Variants in PKNOX2 observed in about 807,000 individuals in gnomAD.
The protein encoded by PKNOX2 is homeobox protein PKNOX2.
Under a neutral mutation model 53.1 loss-of-function variants are expected in PKNOX2, and 14 were observed. The ratio of observed to expected loss-of-function variants is 0.26; its 90% CI spans 0.17 to 0.41. PKNOX2 has a LOEUF of 0.41. Among genes scored for constraint, PKNOX2 ranks in the 10% least tolerant of loss-of-function variants. The pLI is 1.00. For missense variants in PKNOX2, 496 were observed against 602.8 expected (o/e 0.82, Z 1.85); for synonymous variants, 257 against 242.8 (o/e 1.06, Z -0.54).
rs1939186610 is a variant in PKNOX2, at chr11:125,206,912, C to T, written c.-200-28133C>T. Among the ~76,000 whole-genome samples the T allele has an allele frequency of 1.3e-5, 2 of 151,806 alleles. 1 individual carries two copies. Among genetic ancestry groups the T allele is most frequent in the Non-Finnish European group, 2.9e-5 (2 of 67,942 alleles). ...GCAAGACCAGGAAACCAGTTAGAGA[C>T]CTCCTGTAGTACAGCAGGCAAGTGA... On this transcript the variant is annotated intron_variant, in intron 1 of 12. Transcript: ENST00000298282.
chr11:125,178,926 G>A (rs1018061646), intron 1 of PKNOX2, among the ~76,000 whole-genome samples: 4 of 152,100 alleles, frequency 2.6e-5, no homozygotes, highest in Non-Finnish European at 5.9e-5. Context: ...AACTCAGGTG[G>A]CAGCCGGGAC....
chr11:125,339,952 GC>G (rs1950599199), intron 3 of PKNOX2, among the ~76,000 whole-genome samples: 1 of 152,158 alleles, frequency 6.6e-6, no homozygotes, highest in Non-Finnish European at 1.5e-5. Flanking sequence ...AAGATTTGCC[GC>G]TTTCAGCTCG....
chr11:125,338,047 C>T (rs1426745919), intron 3 of PKNOX2, among the ~76,000 whole-genome samples: 8 of 152,204 alleles, frequency 5.3e-5, no homozygotes, highest in Non-Finnish European at 1.2e-4. Flanking sequence ...GGCTGGGTTT[C>T]AGGTCAGCCG....
chr11:125,358,636 G>A (rs1392906005), intron 4 of PKNOX2, among the ~76,000 whole-genome samples: 2 of 152,256 alleles, frequency 1.3e-5, no homozygotes, highest in East Asian at 3.8e-4. Context: ...GAATAGAGGT[G>A]ACCGAGGCCT....
At chr11:125,323,362 T>C (rs774134978) in intron 2 of PKNOX2, among the ~76,000 whole-genome samples, 9 of 152,208 alleles carry the variant, frequency 5.9e-5, no homozygotes, top group Admixed American at 2.6e-4. Flanking sequence ...TGAAATTCAT[T>C]TCTCAGCAGT....
chr11:125,395,214 C>T (rs1214568916), intron 6 of PKNOX2, among the ~76,000 whole-genome samples: 1 of 152,154 alleles, frequency 6.6e-6, no homozygotes, highest in South Asian at 2.1e-4. Context: ...GGAAAATTCC[C>T]TTGCAATCTA....
intron 2 of PKNOX2, among the ~76,000 whole-genome samples, chr11:125,271,001 T>C (rs1232351898): frequency 1.3e-5 from 2 of 152,118 alleles, no homozygotes; most frequent in African/African-American, 2.4e-5. Flanking sequence ...CTTAGCTGCC[T>C]TGGGGGGTGA....
At position 125,166,332 on chromosome 11, in the gene PKNOX2, C is replaced by A. The variant is rs1469873687; in HGVS notation, c.-201+1556C>A. On this transcript the variant is annotated intron_variant, in intron 1 of 12. Transcript: ENST00000298282. This position sits in a 1 kb window ranked among gnomAD's most constrained non-coding sequence, Gnocchi z 4.0. ...AGGCGATGAAAGTAGTTGATCTGAG[C>A]CATGGCAGGCGAGCCCCGAATTTTT... 6.6e-6 allele frequency among the ~76,000 whole-genome samples: 1 copy of A among 152,186 alleles called. No individual in the cohort carries two copies. Among genetic ancestry groups the A allele is most frequent in the East Asian group, 1.9e-4 (1 of 5,186 alleles).
rs370120337 is a variant in PKNOX2, at chr11:125,222,802, T to C, written c.-200-12243T>C. ...GTATGTGTGTATGTGTGTGTGTGTG[T>C]GCGTGTGTATGTGTGTGTGTGTTGC... On this transcript the variant is annotated intron_variant, in intron 1 of 12. Coordinates refer to ENST00000298282, the MANE Select transcript of PKNOX2 (RefSeq NM_001382323.2). Among the ~76,000 whole-genome samples, 686 of 151,804 alleles carry C rather than the reference T, an allele frequency of 4.5e-3. 7 individuals carry two copies. Among genetic ancestry groups the C allele is most frequent in the African/African-American group, 0.016 (663 of 41,348 alleles).
At chr11:125,242,229 C>G (rs1339928886) in intron 2 of PKNOX2, among the ~76,000 whole-genome samples, 1 of 152,186 alleles carries the variant, frequency 6.6e-6, no homozygotes, top group Non-Finnish European at 1.5e-5. Flanking sequence ...TGAGGCTGGC[C>G]TGTTGTCATC....
intron 1 of PKNOX2, among the ~76,000 whole-genome samples, chr11:125,232,962 G>A (rs1357493639): frequency 6.6e-6 from 1 of 151,338 alleles, no homozygotes; most frequent in Non-Finnish European, 1.5e-5. Context: ...TTTTCTACAA[G>A]AGTCTGTGAA....
rs1952439713 is a variant in PKNOX2, at chr11:125,370,003, G to T, written c.227+2018G>T. Among the ~76,000 whole-genome samples, 1 of 152,110 alleles carries T rather than the reference G, an allele frequency of 6.6e-6. No individual in the cohort carries two copies. The highest frequency in any genetic ancestry group is 2.4e-5 in the African/African-American group (1 of 41,414). On this transcript the variant is annotated intron_variant, in intron 5 of 12. Transcript: ENST00000298282. This position sits in a 1 kb window ranked among gnomAD's most constrained non-coding sequence, Gnocchi z 4.1. ...CAATCTGCATTTTCACAAGATCCCAGGGGATTCCTATGCATACTGAAGACT... is the reference window on the plus strand; with the variant it reads ...CAATCTGCATTTTCACAAGATCCCATGGGATTCCTATGCATACTGAAGACT...
chr11:125,178,605 G>GAAAGAAAGAAA (rs1491180169), intron 1 of PKNOX2, among the ~76,000 whole-genome samples: 63 of 32,676 alleles, frequency 1.9e-3, no homozygotes, highest in South Asian at 7.7e-3. Flanking sequence ...AAGGAAGGAA[G>GAAAGAAAGAAA]GAAGGAAAGA....
At chr11:125,195,883 G>GCA (rs56021315) in intron 1 of PKNOX2, among the ~76,000 whole-genome samples, 8,610 of 143,794 alleles carry the variant, frequency 0.06, 250 homozygotes, top group African/African-American at 0.076. Flanking sequence ...ATATGTACAT[G>GCA]CACACACACA....
chr11:125,316,126 C>T (rs998790915), intron 2 of PKNOX2, among the ~76,000 whole-genome samples: 3 of 152,118 alleles, frequency 2.0e-5, no homozygotes, highest in Non-Finnish European at 4.4e-5. Context: ...CGATGGTGTG[C>T]GAAGGACGCA....
rs1389878692 is a variant in PKNOX2, at chr11:125,309,151, CT to C, written c.-129-22665del. On this transcript the variant is annotated intron_variant, in intron 2 of 12. Transcript: ENST00000298282. ...TCTTCCTTTCTTTCTTTCTTTCTTT[CT>C]TTCTTTCCTTCCTTCCTTCCTCTCT... Among the ~76,000 whole-genome samples, 3 of 150,582 alleles carry C rather than the reference CT, an allele frequency of 2.0e-5. No individual in the cohort carries two copies. The East Asian group carries it at 5.9e-4, about 29-fold the overall frequency.
chr11:125,192,290 C>T (rs886874913), intron 1 of PKNOX2, among the ~76,000 whole-genome samples: 9 of 152,178 alleles, frequency 5.9e-5, no homozygotes, highest in African/African-American at 1.2e-4. Context: ...CCGGCAGAGC[C>T]GTGCAAAGCC....
rs549758276 is a variant in PKNOX2, at chr11:125,173,501, T to C, written c.-201+8725T>C. ...GCCATTCCTGAGCTCTACCTAGTCCTCTCCCAAGATCTTTCATAAAAGAAC... is the reference window on the plus strand; with the variant it reads ...GCCATTCCTGAGCTCTACCTAGTCCCCTCCCAAGATCTTTCATAAAAGAAC... On this transcript the variant is annotated intron_variant, in intron 1 of 12. Coordinates refer to ENST00000298282, the MANE Select transcript of PKNOX2 (RefSeq NM_001382323.2). Among the ~76,000 whole-genome samples the C allele has an allele frequency of 1.9e-4, 29 of 152,332 alleles. 1 individual carries two copies. The South Asian group carries it at 5.8e-3, about 30-fold the overall frequency.
intron 2 of PKNOX2, among the ~76,000 whole-genome samples, chr11:125,301,897 C>A (rs1948095124): frequency 1.3e-5 from 2 of 152,198 alleles, no homozygotes; most frequent in South Asian, 4.1e-4. Flanking sequence ...TTTGCCCAGA[C>A]TCAGTCATTT....
Sources: gnomAD v4.1 joint callset for allele counts (sites outside exome capture counted in the v4.1 genomes callset) on GRCh38, gnomAD v4.1.1 for gene constraint, Gnocchi (gnomAD v3.1) non-coding constraint, MANE v1.5 for transcripts, NCBI Gene and HGNC (gene_info 2026-07-23, HGNC 2026-07-21) for gene names.